The following TMEM132B variants were observed in gnomAD, a reference collection of about 807,000 sequenced individuals.
TMEM132B encodes the protein transmembrane protein 132B.
Under a neutral mutation model 90.8 loss-of-function variants are expected in TMEM132B, and 18 were observed. That is an observed-to-expected ratio of 0.20 (90% confidence interval 0.14 to 0.29). The LOEUF (loss-of-function observed/expected upper bound fraction) is 0.29. Among genes scored for constraint, TMEM132B ranks in the 10% least tolerant of loss-of-function variants. The pLI, the probability that TMEM132B is intolerant of heterozygous loss-of-function variation, is 1.00. For synonymous variants in TMEM132B, 504 were observed against 523.3 expected (o/e 0.96, Z 0.50); for missense variants, 1,096 against 1,326.8 (o/e 0.83, Z 2.70).
At chr12:125,297,257 G>A (rs1231337382) in intron 1 of TMEM132B, among the ~76,000 whole-genome samples, 3 of 152,204 alleles carry the variant, frequency 2.0e-5, no homozygotes, top group Non-Finnish European at 4.4e-5. Flanking sequence ...CTCATGTCCC[G>A]AGGCAGGCAC....
intron 1 of TMEM132B, among the ~76,000 whole-genome samples, chr12:125,253,686 A>G (rs986406157): frequency 6.6e-6 from 1 of 152,116 alleles, no homozygotes; most frequent in Non-Finnish European, 1.5e-5. Context: ...CTCCTGCCTC[A>G]GCCTTCCCAA....
intron 1 of TMEM132B, among the ~76,000 whole-genome samples, chr12:125,308,217 G>A (rs116655785): frequency 0.013 from 1,752 of 136,994 alleles, 31 homozygotes; most frequent in African/African-American, 0.044. Context: ...GAAAAATACA[G>A]TATTTTAAAA....
rs183780963 is a variant in TMEM132B at position 125,387,225 on chromosome 12, G to A, written c.960-28306G>A. On this transcript the variant is annotated intron_variant, in intron 2 of 8. Transcript: ENST00000682704. ...TAGGAAGTCTCTCTTCTGAAAAAAG[G>A]GGTAAGAGTTTTTTGCTTTTATTTT... 2.6e-5 allele frequency among the ~76,000 whole-genome samples: 4 copies of A among 152,274 alleles called. No homozygotes were observed. In the East Asian group the frequency reaches 7.7e-4, roughly 29 times the overall value.
chr12:125,602,100 C>A (rs1885586134), intron 5 of TMEM132B, among the ~76,000 whole-genome samples: 1 of 152,202 alleles, frequency 6.6e-6, no homozygotes, highest in Non-Finnish European at 1.5e-5. Context: ...GGACTCCTCC[C>A]TAACTCATTT....
intron 1 of TMEM132B, among the ~76,000 whole-genome samples, chr12:125,316,197 C>T (rs1182361024): frequency 6.6e-6 from 1 of 152,250 alleles, no homozygotes; most frequent in East Asian, 1.9e-4. Context: ...TCAAGTCCAT[C>T]CTGGATTCCA....
At chr12:125,238,014 A>G (rs1873975616) in intron 1 of TMEM132B, among the ~76,000 whole-genome samples, 1 of 152,220 alleles carries the variant, frequency 6.6e-6, no homozygotes, top group Non-Finnish European at 1.5e-5. Context: ...GAAGGTCACA[A>G]AAGCCCAAGA....
At chr12:125,637,826 G>A (rs1429923050) in intron 5 of TMEM132B, among the ~76,000 whole-genome samples, 2 of 152,190 alleles carry the variant, frequency 1.3e-5, no homozygotes, top group Non-Finnish European at 2.9e-5. Flanking sequence ...GTGACGAAAA[G>A]CACATCAGTG....
chr12:125,463,252 T>C (rs1331707206), intron 3 of TMEM132B, among the ~76,000 whole-genome samples: 1 of 152,166 alleles, frequency 6.6e-6, no homozygotes, highest in Admixed American at 6.5e-5. Context: ...ATATTCATAG[T>C]CCTCTGTTAG....
intron 3 of TMEM132B, among the ~76,000 whole-genome samples, chr12:125,463,813 TA>T (rs1057327285): frequency 6.6e-6 from 1 of 152,194 alleles, no homozygotes; most frequent in African/African-American, 2.4e-5. Context: ...TGAGACTGGG[TA>T]ATTTATAAAC....
At chr12:125,223,642 G>C (rs371028783) in intron 1 of TMEM132B, among the ~76,000 whole-genome samples, 1 of 152,054 alleles carries the variant, frequency 6.6e-6, no homozygotes, top group African/African-American at 2.4e-5. Flanking sequence ...AAATCACACC[G>C]TTTAACAGTT....
At chr12:125,302,294 G>A (rs111346463) in intron 1 of TMEM132B, among the ~76,000 whole-genome samples, 2 of 152,150 alleles carry the variant, frequency 1.3e-5, no homozygotes, top group African/African-American at 4.8e-5. Flanking sequence ...GATCCCAGGA[G>A]GTGGAGGCTG....
At chr12:125,565,266 G>A (rs140264067) in intron 4 of TMEM132B, among the ~76,000 whole-genome samples, 101 of 152,288 alleles carry the variant, frequency 6.6e-4, no homozygotes, top group African/African-American at 2.2e-3. Context: ...AGACAGAATC[G>A]TGGCTTGTCT....
chr12:125,600,781 A>G (rs531716658), intron 5 of TMEM132B, among the ~76,000 whole-genome samples: 1 of 152,344 alleles, frequency 6.6e-6, no homozygotes, highest in African/African-American at 2.4e-5. Flanking sequence ...AAATTTACCA[A>G]GCAAATGGAA....
rs535840622 is a variant in TMEM132B at position 125,213,137 on chromosome 12, G to C, written c.67+26271G>C. ...CTACTTTCTATTCTATGGATGTGCT[G>C]GTTCTGGCTATTTAATACAAATGCA... On this transcript the variant is annotated intron_variant, in intron 1 of 8. Coordinates refer to ENST00000682704, the MANE Select transcript of TMEM132B (RefSeq NM_001366854.1). This position sits in a 1 kb window ranked among gnomAD's most constrained non-coding sequence, Gnocchi z 4.2. Among the ~76,000 whole-genome samples the C allele has an allele frequency of 4.0e-4, 61 of 152,286 alleles. No individual in the cohort carries two copies. The highest frequency in any genetic ancestry group is 1.4e-3 in the African/African-American group (58 of 41,546).
At chr12:125,489,600 T>C (rs2136552945) in intron 3 of TMEM132B, among the ~76,000 whole-genome samples, 1 of 152,130 alleles carries the variant, frequency 6.6e-6, no homozygotes, top group East Asian at 1.9e-4. Context: ...TTTGTAGAGA[T>C]GGGGTCTCGC....
chr12:125,253,088 C>A (rs935555804), intron 1 of TMEM132B, among the ~76,000 whole-genome samples: 6 of 152,204 alleles, frequency 3.9e-5, no homozygotes, highest in East Asian at 3.8e-4. Context: ...GTAAGAAATT[C>A]ATCTGTCACT....
Position 125,492,082 on chromosome 12 carries a change from C to T in TMEM132B, c.1107-27357C>T, listed in dbSNP as rs1049054189. ...ATTTAATCAAGGAGGATCAATACTG[C>T]TTATGTGGAGTGAAAGTGGCCCATG... On this transcript the variant is annotated intron_variant, in intron 3 of 8. Transcript: ENST00000682704. The surrounding 1 kb of genome is among the most constrained non-coding windows in gnomAD (Gnocchi z 5.8). Among the ~76,000 whole-genome samples, 3 of 152,128 alleles carry T rather than the reference C, an allele frequency of 2.0e-5. No individual in the cohort carries two copies. The highest frequency in any genetic ancestry group is 7.2e-5 in the African/African-American group (3 of 41,426).
chr12:125,623,123 G>C (rs1232786890), intron 5 of TMEM132B, among the ~76,000 whole-genome samples: 4 of 152,070 alleles, frequency 2.6e-5, no homozygotes. Context: ...TGATATGCTG[G>C]GATTTCACCA....
intron 4 of TMEM132B, among the ~76,000 whole-genome samples, chr12:125,546,655 C>T (rs1566069424): frequency 6.6e-6 from 1 of 152,062 alleles, no homozygotes; most frequent in East Asian, 1.9e-4. Flanking sequence ...GAGTAGTATT[C>T]CATTGTATGG....
Sources: allele counts gnomAD v4.1 joint callset (sites outside exome capture counted in the v4.1 genomes callset), GRCh38; gene constraint gnomAD v4.1.1; non-coding constraint Gnocchi (gnomAD v3.1); transcripts MANE v1.5; gene names NCBI Gene and HGNC (gene_info 2026-07-23, HGNC 2026-07-21).